Variants in RPSA2 observed in about 807,000 individuals in gnomAD.
The protein encoded by RPSA2 is small ribosomal subunit protein uS2B.
At chr19:23,832,769 G>A in the RPSA2 span, 21 of 1,558,868 alleles carry the variant, frequency 1.3e-5, no homozygotes, top group African/African-American at 4.1e-5. Context: ...ATCCTTACTC[G>A]ACATAAGATA....
At chr19:23,857,494 TTTTTTTTTTTTTTG>T in the RPSA2 span, among the ~76,000 whole-genome samples, 1 of 111,866 alleles carries the variant, frequency 8.9e-6, no homozygotes, top group Admixed American at 9.4e-5. Flanking sequence ...TCTTTTTTTT[TTTTTTTTTTTTTTG>T]AGATGGAGTT....
At chr19:23,762,974 T>G in the RPSA2 span, 2 of 152,322 alleles carry the variant, frequency 1.3e-5, no homozygotes, top group Non-Finnish European at 2.9e-5. Flanking sequence ...CTTCCGACAT[T>G]CCGCGGGGTC....
chr19:23,849,557 G>A, the RPSA2 span, among the ~76,000 whole-genome samples: 1 of 152,134 alleles, frequency 6.6e-6, no homozygotes, highest in South Asian at 2.1e-4. Context: ...GGGTGTTCTG[G>A]GCACAGAATG....
At chr19:23,764,811 A>G in the RPSA2 span, among the ~76,000 whole-genome samples, 1 of 152,132 alleles carries the variant, frequency 6.6e-6, no homozygotes, top group Non-Finnish European at 1.5e-5. Context: ...AAAAAAAAAA[A>G]AAAGTCTGCG....
the RPSA2 span, among the ~76,000 whole-genome samples, chr19:23,815,821 CTTATG>C: frequency 2.0e-4 from 30 of 151,830 alleles, 1 homozygote; most frequent in East Asian, 4.7e-3. Flanking sequence ...TTTTGGAGAC[CTTATG>C]TTATATATAC....
the RPSA2 span, among the ~76,000 whole-genome samples, chr19:23,820,470 G>A: frequency 0.83 from 126,772 of 152,036 alleles, 53,441 homozygotes; most frequent in Admixed American, 0.9. Flanking sequence ...GGGAGATTGC[G>A]GGAGGAGAGG....
the RPSA2 span, among the ~76,000 whole-genome samples, chr19:23,843,442 T>A: frequency 6.6e-6 from 1 of 152,232 alleles, no homozygotes; most frequent in Non-Finnish European, 1.5e-5. Context: ...TTTTGTCCCA[T>A]ACCATTAAAT....
chr19:23,813,232 C>CAAAA, the RPSA2 span, among the ~76,000 whole-genome samples: 12,503 of 120,546 alleles, frequency 0.1, 986 homozygotes, highest in Non-Finnish European at 0.14. Flanking sequence ...GACCCTGTCT[C>CAAAA]AAAAAAAAAA....
the RPSA2 span, chr19:23,831,953 C>A: frequency 2.8e-6 from 1 of 353,814 alleles, no homozygotes; most frequent in Non-Finnish European, 5.8e-6. Context: ...AGCATTTATA[C>A]TAGAGAGAAG....
At chr19:23,767,630 G>A in the RPSA2 span, among the ~76,000 whole-genome samples, 1 of 152,080 alleles carries the variant, frequency 6.6e-6, no homozygotes, top group Admixed American at 6.6e-5. Context: ...GCAGGATGGG[G>A]ATGACAGAAT....
At chr19:23,864,232 C>A in the RPSA2 span, among the ~76,000 whole-genome samples, 5 of 152,182 alleles carry the variant, frequency 3.3e-5, no homozygotes, top group Admixed American at 2.6e-4. Context: ...GCATGGCCTG[C>A]CTTACCTGAT....
chr19:23,762,152 G>A, the RPSA2 span, among the ~76,000 whole-genome samples: 1 of 150,204 alleles, frequency 6.7e-6, no homozygotes, highest in Non-Finnish European at 1.5e-5. Flanking sequence ...TCCTGACCTC[G>A]TGATCAGCCC....
chr19:23,836,228 T>A, the RPSA2 span, among the ~76,000 whole-genome samples: 1 of 152,180 alleles, frequency 6.6e-6, no homozygotes, highest in Admixed American at 6.5e-5. Context: ...CTCCCACATA[T>A]CAGTGAGAAC....
At chr19:23,844,312 T>G in the RPSA2 span, among the ~76,000 whole-genome samples, 6 of 152,314 alleles carry the variant, frequency 3.9e-5, no homozygotes, top group South Asian at 1.0e-3. Context: ...TTTTCTTGTA[T>G]GTATGGTTTG....
the RPSA2 span, chr19:23,832,470 C>A: frequency 4.0e-6 from 2 of 493,866 alleles, no homozygotes; most frequent in East Asian, 5.4e-5. Context: ...GAGAGAAACC[C>A]AACAAATCTA....
the RPSA2 span, among the ~76,000 whole-genome samples, chr19:23,802,593 TC>T: frequency 6.6e-6 from 1 of 152,226 alleles, no homozygotes; most frequent in African/African-American, 2.4e-5. Flanking sequence ...TGTGTGTTCC[TC>T]CCATCATACA....
the RPSA2 span, among the ~76,000 whole-genome samples, chr19:23,828,649 A>G: frequency 1.3e-5 from 2 of 150,508 alleles, no homozygotes; most frequent in Non-Finnish European, 3.0e-5. Flanking sequence ...AAAATTTGAT[A>G]AGACTTCCTT....
chr19:23,764,821 G>A, the RPSA2 span, among the ~76,000 whole-genome samples: 1,770 of 151,658 alleles, frequency 0.012, 39 homozygotes, highest in African/African-American at 0.04. Context: ...AAAAGTCTGC[G>A]CCTCTCCTTC....
At chr19:23,832,995 CT>C in the RPSA2 span, 1 of 1,433,380 alleles carries the variant, frequency 7.0e-7, no homozygotes, top group Non-Finnish European at 9.3e-7. Flanking sequence ...GTGGCAAAGC[CT>C]TTAGGCAGTC....
Sources: gnomAD v4.1 joint callset for allele counts (sites outside exome capture counted in the v4.1 genomes callset) on GRCh38, gnomAD v4.1.1 for gene constraint, MANE v1.5 for transcripts, NCBI Gene and HGNC (gene_info 2026-07-23, HGNC 2026-07-21) for gene names.